Variants in C6orf118 observed in about 807,000 individuals in gnomAD.
The protein encoded by C6orf118 is uncharacterized protein C6orf118.
In C6orf118, 50 loss-of-function variants were observed where a neutral mutation model predicts 50.2. The ratio of observed to expected loss-of-function variants is 1.00; its 90% CI spans 0.79 to 1.26. The LOEUF (loss-of-function observed/expected upper bound fraction) is 1.26, where lower values mean the gene tolerates loss of function less well. Among genes scored for constraint, C6orf118 ranks in the 50% most tolerant of loss-of-function variants. The pLI, the probability that C6orf118 is intolerant of heterozygous loss-of-function variation, is 0.00. For synonymous variants in C6orf118, 239 were observed against 230.9 expected (o/e 1.03, Z -0.32); for missense variants, 641 against 578.7 (o/e 1.11, Z -1.10).
intron 1 of C6orf118, among the ~76,000 whole-genome samples, chr6:165,307,570 T>A (rs56896316): frequency 0.29 from 27,389 of 94,832 alleles, 2,590 homozygotes; most frequent in African/African-American, 0.39. Context: ...AAAAAAAAAA[T>A]TTTTTTTAAT....
chr6:165,300,195 T>C (rs966382856), intron 3 of C6orf118, among the ~76,000 whole-genome samples, 169 bp downstream of exon 3: 2 of 152,122 alleles, frequency 1.3e-5, no homozygotes, highest in Non-Finnish European at 2.9e-5. Context: ...CCCCTTACAA[T>C]TTACGTGCCT....
At chr6:165,302,448 A>C (rs1734365612) in intron 1 of C6orf118, 152 bp from the exon 2 acceptor site, 10 of 1,020,410 alleles carry the variant, frequency 9.8e-6, no homozygotes, top group Non-Finnish European at 1.4e-6. Context: ...TTAAAAGTCA[A>C]AGGCACCCGT....
At chr6:165,292,150 A>C (rs1442323703) in intron 6 of C6orf118, among the ~76,000 whole-genome samples, 2 of 152,214 alleles carry the variant, frequency 1.3e-5, no homozygotes, top group Non-Finnish European at 2.9e-5. Context: ...CCATCAGCTG[A>C]GTTCAAAGAG....
intron 8 of C6orf118, among the ~76,000 whole-genome samples, chr6:165,280,613 C>T (rs1779696455): frequency 6.6e-6 from 1 of 152,172 alleles, no homozygotes; most frequent in Non-Finnish European, 1.5e-5. Flanking sequence ...CTGAGAGTGA[C>T]CTTGGCCCAT....
At chr6:165,285,205 A>G (rs1779860330) in intron 7 of C6orf118, among the ~76,000 whole-genome samples, 1 of 152,202 alleles carries the variant, frequency 6.6e-6, no homozygotes, top group Non-Finnish European at 1.5e-5. Context: ...ACAAAGATAA[A>G]AAAATACAAA....
intron 5 of C6orf118, among the ~76,000 whole-genome samples, chr6:165,296,729 A>G (rs185315204): frequency 2.0e-5 from 3 of 151,996 alleles, no homozygotes; most frequent in Non-Finnish European, 4.4e-5. Flanking sequence ...CCCACTTCCT[A>G]CCACCCCTGA....
In C6orf118 at chr6:165,289,783, T is replaced by G. The variant is rs1780041379; in HGVS notation, c.1302+103A>C. The G allele has an allele frequency of 7.5e-6, 5 of 666,342 alleles. No individual in the cohort carries two copies. The East Asian group carries it at 1.5e-4, about 21-fold the overall frequency. 41.3% of individuals were successfully genotyped at this position (666,342 alleles called of 1,614,324 possible). On this transcript the variant is annotated intron_variant, in intron 7 of 8. Transcript: ENST00000230301. ...ATAAAAAGTACATTTGGGCCAAATT[T>G]TATGATTTTTTTACCCTATTACCAA...
chr6:165,301,879 G>A lies in C6orf118; in HGVS notation c.443C>T (p.Pro148Leu). The A allele has an allele frequency of 6.2e-7, 1 of 1,613,806 alleles. No homozygotes were observed. The highest frequency in any genetic ancestry group is 1.7e-5 in the Admixed American group (1 of 60,022). ...LSHTSEEDFL[P>L]VEAVREGKEE... ...CTTCCCCTCTCTGACAGCCTCCACT[G>A]GAAGGAAATCCTCCTCTGAAGTGTG... is the stretch of plus-strand genomic sequence containing the variant. The change falls in exon 2 of 9, where the codon CCA becomes CTA. Residue 148 changes from proline (P) to leucine (L), a missense_variant. Coordinates refer to ENST00000230301, the MANE Select transcript of C6orf118 (RefSeq NM_144980.4).
intron 7 of C6orf118, among the ~76,000 whole-genome samples, chr6:165,284,081 T>G (rs920874631): frequency 2.6e-5 from 4 of 152,094 alleles, no homozygotes; most frequent in African/African-American, 7.2e-5. Context: ...AGAACCATGA[T>G]AAAACATTAT....
Position 165,293,397 on chromosome 6 carries a change from T to C in C6orf118, c.1120+16A>G. The C allele has an allele frequency of 6.2e-7, 1 of 1,613,096 alleles. No homozygotes were observed. The highest frequency in any genetic ancestry group is 8.5e-7 in the Non-Finnish European group (1 of 1,179,026). ...AGCAAAGCACCCATAAGGAAGGACATCACACAGACACCTGCCTGATCGTTC... is the reference window on the plus strand; with the variant it reads ...AGCAAAGCACCCATAAGGAAGGACACCACACAGACACCTGCCTGATCGTTC... On this transcript the variant is annotated intron_variant, in intron 6 of 8. Transcript: ENST00000230301.
intron 7 of C6orf118, among the ~76,000 whole-genome samples, chr6:165,288,697 C>T (rs1780000793): frequency 6.6e-6 from 1 of 152,134 alleles, no homozygotes; most frequent in Non-Finnish European, 1.5e-5. Context: ...GAAAACCAAA[C>T]ACCACGTGTT....
At chr6:165,286,041 T>C (rs1282822204) in intron 7 of C6orf118, among the ~76,000 whole-genome samples, 1 of 150,296 alleles carries the variant, frequency 6.7e-6, no homozygotes, top group African/African-American at 2.5e-5. Context: ...GCTAGATTAA[T>C]AAAGAAGAAA....
chr6:165,306,387 G>T (rs1780729255), intron 1 of C6orf118, among the ~76,000 whole-genome samples: 1 of 123,198 alleles, frequency 8.1e-6, no homozygotes, highest in Non-Finnish European at 1.7e-5. Flanking sequence ...TGACACGTTA[G>T]TGGGTGCAGC....
intron 2 of C6orf118, 36 bp from the exon 3 acceptor site, chr6:165,300,522 G>T (rs200745604): frequency 1.3e-6 from 2 of 1,582,536 alleles, no homozygotes; most frequent in Non-Finnish European, 1.7e-6. Flanking sequence ...TTTCAGGGTG[G>T]CTTCATCTTT....
intron 5 of C6orf118, among the ~76,000 whole-genome samples, chr6:165,294,914 A>G (rs1780239260): frequency 6.6e-6 from 1 of 152,206 alleles, no homozygotes; most frequent in Admixed American, 6.5e-5. Flanking sequence ...TGGGGATTCA[A>G]TGGATTAATA....
intron 6 of C6orf118, among the ~76,000 whole-genome samples, chr6:165,292,314 T>C (rs958150417): frequency 2.6e-5 from 4 of 152,088 alleles, no homozygotes; most frequent in African/African-American, 9.7e-5. Flanking sequence ...TAGAAAGCTT[T>C]GGGAAAATAA....
intron 7 of C6orf118, 81 bp from the exon 8 acceptor site, chr6:165,281,774 G>T: frequency 1.2e-6 from 1 of 861,450 alleles, no homozygotes; most frequent in Non-Finnish European, 1.7e-6. Flanking sequence ...ACAAGATTAT[G>T]TGAATGATAT....
chr6:165,288,548 C>T (rs2874885), intron 7 of C6orf118, among the ~76,000 whole-genome samples: 84,151 of 151,972 alleles, frequency 0.55, 24,448 homozygotes, highest in East Asian at 0.79. Flanking sequence ...TGCCCATCAA[C>T]GATAGGCTAG....
At position 165,289,874 on chromosome 6, in the gene C6orf118, T is replaced by C. The variant is rs368161744; in HGVS notation, c.1302+12A>G. 1 of 1,529,286 alleles carries C rather than the reference T, an allele frequency of 6.5e-7. No homozygotes were observed. 94.7% of individuals were successfully genotyped at this position (1,529,286 alleles called of 1,614,324 possible). ...AGAATAATGTAAATATTTAAATAAA[T>C]AAGTTGCGTACCTCTATGCTTTTAA... On this transcript the variant is annotated intron_variant, in intron 7 of 8. Coordinates refer to ENST00000230301, the MANE Select transcript of C6orf118 (RefSeq NM_144980.4).
Sources: allele counts gnomAD v4.1 joint callset (sites outside exome capture counted in the v4.1 genomes callset), GRCh38; gene constraint gnomAD v4.1.1; transcripts MANE v1.5; gene names NCBI Gene and HGNC (gene_info 2026-07-23, HGNC 2026-07-21).